Variants in SULF1 observed in about 807,000 individuals in gnomAD.
SULF1 encodes extracellular sulfatase Sulf-1.
Under a neutral mutation model 110.5 loss-of-function variants are expected in SULF1, and 46 were observed. The ratio of observed to expected loss-of-function variants is 0.42; its 90% CI spans 0.33 to 0.53. SULF1 has a LOEUF of 0.53. SULF1 is among the 20% of genes least tolerant of loss of function. The pLI, the probability that SULF1 is intolerant of heterozygous loss-of-function variation, is 0.12. For missense variants in SULF1, 941 were observed against 1,094.2 expected, an observed-to-expected ratio of 0.86 and a Z score of 1.98; for synonymous variants, 371 against 387.1, an observed-to-expected ratio of 0.96 and a Z score of 0.49.
chr8:69,541,150 A>G (rs1813824969), intron 3 of SULF1, among the ~76,000 whole-genome samples: 1 of 152,140 alleles, frequency 6.6e-6, no homozygotes, highest in Non-Finnish European at 1.5e-5. Flanking sequence ...AGAAAGGATA[A>G]TGTCTCCAGG....
At chr8:69,634,758 A>C (rs895852583) in intron 19 of SULF1, among the ~76,000 whole-genome samples, 1 of 152,016 alleles carries the variant, frequency 6.6e-6, no homozygotes, top group African/African-American at 2.4e-5. Flanking sequence ...AAAAAGAGAG[A>C]GAGGCGGAGA....
At chr8:69,578,302 A>C (rs1415029789) in intron 6 of SULF1, among the ~76,000 whole-genome samples, 2 of 152,066 alleles carry the variant, frequency 1.3e-5, no homozygotes, top group Non-Finnish European at 1.5e-5. Flanking sequence ...ACAAGAATAA[A>C]GTGACTGAAG....
chr8:69,500,005 G>T (rs1048066366), intron 2 of SULF1, among the ~76,000 whole-genome samples: 10 of 152,108 alleles, frequency 6.6e-5, no homozygotes, highest in Non-Finnish European at 1.5e-4. Context: ...TCCCATCTCA[G>T]CCTCCCAAAG....
rs1398737120 is a variant in SULF1, at chr8:69,638,574, A to G, written c.2357A>G (p.His786Arg). ...TGTTTGCGTACAGTTAATGAGACGC[A>G]TAATTTTCTTTTCTGTGAGTTTGCT... The part of the protein sequence containing the change: ...YWCLRTVNET[H>R]NFLFCEFATG... Residue 786 changes from histidine (H) to arginine (R), a missense_variant, in exon 20 of 23, where the codon CAT becomes CGT. Physicochemically the swap from His to Arg is conservative, Grantham distance 29 (BLOSUM62 0). Coordinates refer to ENST00000402687, the MANE Select transcript of SULF1 (RefSeq NM_001128205.2). 1.2e-6 allele frequency: 2 copies of G among 1,614,128 alleles called. No homozygotes were observed. Among genetic ancestry groups the G allele is most frequent in the Non-Finnish European group, 8.5e-7 (1 of 1,180,006 alleles).
At chr8:69,610,204 C>T (rs549094437) in intron 13 of SULF1, among the ~76,000 whole-genome samples, 11 of 152,186 alleles carry the variant, frequency 7.2e-5, no homozygotes, top group Admixed American at 2.6e-4. Context: ...AGGACCCCTG[C>T]ATCAAGCAAG....
intron 8 of SULF1, chr8:69,597,144 G>A (rs1286164642): frequency 1.3e-5 from 2 of 152,140 alleles, no homozygotes; most frequent in African/African-American, 4.8e-5. Context: ...TGAATAATTC[G>A]AAGACAATCC....
chr8:69,545,085 C>CTTTTTTTTTTTTTTTT (rs56914726), intron 3 of SULF1, among the ~76,000 whole-genome samples: 1 of 134,932 alleles, frequency 7.4e-6, no homozygotes, highest in Non-Finnish European at 1.6e-5. Flanking sequence ...TAAAGGAATT[C>CTTTTTTTTTTTTTTTT]TTTTTTTTTT....
chr8:69,525,444 G>A (rs11990639), intron 3 of SULF1, among the ~76,000 whole-genome samples: 4,920 of 152,254 alleles, frequency 0.032, 260 homozygotes, highest in African/African-American at 0.11. Flanking sequence ...CAGTGGCAAG[G>A]ATGACAGCAG....
At chr8:69,585,492 C>A (rs1044752440) in intron 6 of SULF1, among the ~76,000 whole-genome samples, 2 of 152,122 alleles carry the variant, frequency 1.3e-5, no homozygotes, top group African/African-American at 4.8e-5. Flanking sequence ...GTACCCCTCT[C>A]CTGTCATCAT....
chr8:69,616,122 TA>T (rs1427173572), intron 13 of SULF1, among the ~76,000 whole-genome samples: 1 of 145,836 alleles, frequency 6.9e-6, no homozygotes, highest in African/African-American at 2.6e-5. Context: ...TGTGTATATA[TA>T]ATGTGTATAT....
At chr8:69,631,151 G>C (rs10101689) in intron 19 of SULF1, among the ~76,000 whole-genome samples, 2,062 of 152,314 alleles carry the variant, frequency 0.014, 45 homozygotes, top group African/African-American at 0.046. Context: ...AGAGGGAACA[G>C]TGCAAGCAGA....
chr8:69,503,584 G>A (rs1810961434), intron 3 of SULF1, among the ~76,000 whole-genome samples: 1 of 152,120 alleles, frequency 6.6e-6, no homozygotes, highest in Admixed American at 6.5e-5. Context: ...TTTTCTTTGT[G>A]AAACTCTAGC....
intron 1 of SULF1, among the ~76,000 whole-genome samples, chr8:69,471,446 T>C (rs779340598): frequency 6.6e-6 from 1 of 151,976 alleles, no homozygotes; most frequent in Non-Finnish European, 1.5e-5. Flanking sequence ...GGGGGAAACT[T>C]AAGGAAAATG....
rs1586584857 is a variant in SULF1 at position 69,627,317 on chromosome 8, G to A, written c.1947+11G>A. ...TACATTGACAAAGAGGTTAGCCATG[G>A]CTATGTGACTGTCAGATATATTCCA... On this transcript the variant is annotated intron_variant, in intron 16 of 22. Transcript: ENST00000402687. The A allele has an allele frequency of 6.2e-7, 1 of 1,605,230 alleles. No individual in the cohort carries two copies.
chr8:69,554,978 CAAAAAAAA>C (rs141225696), intron 3 of SULF1, among the ~76,000 whole-genome samples: 1 of 63,492 alleles, frequency 1.6e-5, no homozygotes, highest in African/African-American at 1.0e-4. Context: ...GATTCCATCT[CAAAAAAAA>C]AAAAAAAAAA....
At chr8:69,529,038 A>G (rs1812897772) in intron 3 of SULF1, among the ~76,000 whole-genome samples, 1 of 152,176 alleles carries the variant, frequency 6.6e-6, no homozygotes, top group Non-Finnish European at 1.5e-5. Flanking sequence ...TGTATTACAT[A>G]TACAAAGTTA....
In SULF1 at chr8:69,538,337, A is replaced by G. The variant is rs140529272; in HGVS notation, c.-133-25202A>G. On this transcript the variant is annotated intron_variant, in intron 3 of 22. Coordinates refer to ENST00000402687, the MANE Select transcript of SULF1 (RefSeq NM_001128205.2). The stretch of plus-strand genomic sequence containing the variant: ...CACATGCTTCTCATCCCGTCCTTCT[A>G]TGCAATGCCATGAACATTAAACCCT... Among the ~76,000 whole-genome samples the G allele has an allele frequency of 8.9e-4, 117 of 132,066 alleles. 1 individual carries two copies. In the East Asian group the frequency reaches 0.02, roughly 23 times the overall value. 86.6% of individuals were successfully genotyped at this position (132,066 alleles called of 152,430 possible).
chr8:69,569,373 A>T (rs192200348), intron 5 of SULF1, among the ~76,000 whole-genome samples: 1 of 152,318 alleles, frequency 6.6e-6, no homozygotes, highest in East Asian at 1.9e-4. Flanking sequence ...TATAACATAT[A>T]AAAAAATCAG....
intron 1 of SULF1, among the ~76,000 whole-genome samples, chr8:69,485,365 C>T (rs975212105): frequency 1.3e-5 from 2 of 152,126 alleles, no homozygotes; most frequent in Admixed American, 1.3e-4. Context: ...AAGGGAATTT[C>T]GGGGTAAAAA....
Sources: allele counts gnomAD v4.1 joint callset (sites outside exome capture counted in the v4.1 genomes callset), GRCh38; gene constraint gnomAD v4.1.1; transcripts MANE v1.5; gene names NCBI Gene and HGNC (gene_info 2026-07-23, HGNC 2026-07-21).